CELF2: variants seen among roughly 807,000 people sequenced by gnomAD.
CELF2 encodes the protein CUGBP Elav-like family member 2.
Under a neutral mutation model 62.6 loss-of-function variants are expected in CELF2, and 8 were observed. That is an observed-to-expected ratio of 0.13 (90% CI 0.07 to 0.23). CELF2 has a LOEUF of 0.23. Among genes scored for constraint, CELF2 ranks in the 10% least tolerant of loss-of-function variants. CELF2 has a pLI of 1.00. For synonymous variants in CELF2, 258 were observed against 250.0 expected (o/e 1.03, Z -0.30); for missense variants, 333 against 671.0 (o/e 0.50, Z 5.56).
chr10:10,894,915 T>C (rs1415848610), intron 1 of CELF2, among the ~76,000 whole-genome samples: 1 of 152,214 alleles, frequency 6.6e-6, no homozygotes, highest in Non-Finnish European at 1.5e-5. Flanking sequence ...TCTCTTACAT[T>C]GTTCCACTTG....
intron 1 of CELF2, among the ~76,000 whole-genome samples, chr10:11,073,176 C>G (rs892010715): frequency 1.1e-4 from 16 of 152,136 alleles, no homozygotes; most frequent in Non-Finnish European, 1.6e-4. Context: ...CAGAGTGTAA[C>G]ACTGGCTAGT....
chr10:11,269,504 T>G lies in CELF2; in HGVS notation c.619-1162T>G, dbSNP rs1224351526. Among the ~76,000 whole-genome samples, 2 of 152,198 alleles carry G rather than the reference T, an allele frequency of 1.3e-5. No homozygotes were observed. Among genetic ancestry groups the G allele is most frequent in the East Asian group, 3.8e-4 (2 of 5,198 alleles). ...CACATTTAAATAGGAATATAACATT[T>G]CTGAGAGGAGAGAGAGAGAGGTCTA... On this transcript the variant is annotated intron_variant, in intron 6 of 12. Coordinates refer to ENST00000633077, the MANE Select transcript of CELF2 (RefSeq NM_001326342.2). This position sits in a 1 kb window ranked among gnomAD's most constrained non-coding sequence, Gnocchi z 4.4.
intron 4 of CELF2, among the ~76,000 whole-genome samples, chr10:11,257,138 C>T (rs1050174510): frequency 1.3e-5 from 2 of 151,974 alleles, no homozygotes; most frequent in East Asian, 1.9e-4. Flanking sequence ...TTCCTAGCTC[C>T]CCAGAGACGT....
the CELF2 span, among the ~76,000 whole-genome samples, chr10:10,531,883 G>C: frequency 6.6e-6 from 1 of 152,292 alleles, no homozygotes; most frequent in East Asian, 1.9e-4. Flanking sequence ...ATGGTGTTGG[G>C]AACAGGCCCT....
At chr10:10,590,161 G>A in the CELF2 span, among the ~76,000 whole-genome samples, 273 of 150,136 alleles carry the variant, frequency 1.8e-3, no homozygotes, top group East Asian at 9.2e-3. Context: ...ACATGTGCAT[G>A]CACACACACA....
chr10:11,030,044 C>T (rs940804515), intron 1 of CELF2, among the ~76,000 whole-genome samples: 3 of 152,186 alleles, frequency 2.0e-5, no homozygotes, highest in African/African-American at 7.2e-5. Context: ...AATAATCGTG[C>T]AGACCCCAGA....
At chr10:11,015,396 T>G (rs2057110012), upstream of CELF2, among the ~76,000 whole-genome samples, 4 of 152,204 alleles carry the variant, frequency 2.6e-5, no homozygotes, top group South Asian at 8.3e-4. The surrounding 1 kb of genome is among the most constrained non-coding windows in gnomAD (Gnocchi z 4.8). Context: ...AATGGAAGAT[T>G]GTTGTCAATA....
At chr10:10,629,861 C>CAAAAAAAAAAAAAAAAAAAAA in the CELF2 span, among the ~76,000 whole-genome samples, 3 of 12,342 alleles carry the variant, frequency 2.4e-4, 1 homozygote, top group African/African-American at 3.4e-4. Flanking sequence ...GGCTGAAGAC[C>CAAAAAAAAAAAAAAAAAAAAA]AAAAAAAAAA....
chr10:11,055,011 G>A (rs1036855344), intron 1 of CELF2, among the ~76,000 whole-genome samples: 11 of 152,202 alleles, frequency 7.2e-5, no homozygotes, highest in African/African-American at 1.4e-4. Flanking sequence ...CACCGCACCC[G>A]GCTTCTAGTG....
chr10:10,663,241 T>C, the CELF2 span, among the ~76,000 whole-genome samples: 1 of 152,174 alleles, frequency 6.6e-6, no homozygotes, highest in Non-Finnish European at 1.5e-5. Context: ...TTGAGCAACA[T>C]TTATTAATCT....
chr10:11,251,270 A>ATTTTTTTTTTTTTTTTTTTTT (rs66615560), intron 4 of CELF2, among the ~76,000 whole-genome samples: 2 of 63,300 alleles, frequency 3.2e-5, no homozygotes. Context: ...ACACAAAGGG[A>ATTTTTTTTTTTTTTTTTTTTT]TTTTTTTTTT....
intron 2 of CELF2, among the ~76,000 whole-genome samples, chr10:10,942,308 C>T (rs1187557152): frequency 6.6e-6 from 1 of 152,176 alleles, no homozygotes; most frequent in East Asian, 1.9e-4. Context: ...ACTCATGCCT[C>T]ACCATCTCTC....
At chr10:10,943,872 G>A (rs1316344601) in intron 2 of CELF2, among the ~76,000 whole-genome samples, 1 of 151,784 alleles carries the variant, frequency 6.6e-6, no homozygotes, top group Non-Finnish European at 1.5e-5. Flanking sequence ...TAAGTGCTGA[G>A]ATTACAGGCA....
rs146249317 is a variant in CELF2, at chr10:11,316,087, G to A, written c.1096+1829G>A. Among the ~76,000 whole-genome samples, 1 of 152,248 alleles carries A rather than the reference G, an allele frequency of 6.6e-6. No homozygotes were observed. The highest frequency in any genetic ancestry group is 2.1e-4 in the South Asian group (1 of 4,834). ...TTCCCATCGTTCTCGTCAGGGACTG[G>A]AGAGGGGCTGTGTTGAATGGCAGAG... On this transcript the variant is annotated intron_variant, in intron 10 of 12. Transcript: ENST00000633077. The surrounding 1 kb of genome is among the most constrained non-coding windows in gnomAD (Gnocchi z 4.4).
At chr10:10,618,529 C>T in the CELF2 span, among the ~76,000 whole-genome samples, 1 of 152,082 alleles carries the variant, frequency 6.6e-6, no homozygotes, top group African/African-American at 2.4e-5. Context: ...CATACTGCAA[C>T]TCAAAGCACC....
the CELF2 span, among the ~76,000 whole-genome samples, chr10:10,615,612 C>T: frequency 1.3e-5 from 2 of 152,022 alleles, no homozygotes; most frequent in Non-Finnish European, 2.9e-5. Flanking sequence ...GTGATTGGAC[C>T]ACGGGGGCAG....
At chr10:10,772,109 A>G in the CELF2 span, among the ~76,000 whole-genome samples, 24 of 152,042 alleles carry the variant, frequency 1.6e-4, no homozygotes, top group African/African-American at 4.8e-4. Context: ...GATTTAGAGG[A>G]AAAAAAAGGT....
At chr10:11,272,531 G>A (rs376235095) in intron 7 of CELF2, among the ~76,000 whole-genome samples, 12 of 152,186 alleles carry the variant, frequency 7.9e-5, no homozygotes, top group African/African-American at 2.2e-4. Context: ...CTTCTAGCAC[G>A]TCTCCTGTGC....
chr10:11,061,393 G>A (rs888147161), intron 1 of CELF2, among the ~76,000 whole-genome samples: 1 of 152,234 alleles, frequency 6.6e-6, no homozygotes, highest in African/African-American at 2.4e-5. Flanking sequence ...GAGGTTGGGT[G>A]ATGAGGGTGA....
Sources: allele counts gnomAD v4.1 joint callset (sites outside exome capture counted in the v4.1 genomes callset), GRCh38; gene constraint gnomAD v4.1.1; non-coding constraint Gnocchi (gnomAD v3.1); transcripts MANE v1.5; gene names NCBI Gene and HGNC (gene_info 2026-07-23, HGNC 2026-07-21).